Variants in FBXL7 observed in about 807,000 individuals in gnomAD.
The protein encoded by FBXL7 is F-box and leucine rich repeat protein 7, also known as F-box/LRR-repeat protein 7.
FBXL7 carries 12 observed loss-of-function variants against 38.3 expected under a neutral mutation model. The ratio of observed to expected loss-of-function variants is 0.31; its 90% confidence interval spans 0.20 to 0.51. FBXL7 has a LOEUF of 0.51. Among genes scored for constraint, FBXL7 ranks in the 20% least tolerant of loss-of-function variants. FBXL7 has a pLI of 0.98. For missense variants in FBXL7, 567 were observed against 676.4 expected, an observed-to-expected ratio of 0.84 and a Z score of 1.79; for synonymous variants, 297 against 300.9, an observed-to-expected ratio of 0.99 and a Z score of 0.13.
At chr5:15,867,366 A>G (rs1051110705) in intron 2 of FBXL7, among the ~76,000 whole-genome samples, 2 of 152,172 alleles carry the variant, frequency 1.3e-5, no homozygotes, top group Non-Finnish European at 2.9e-5. Context: ...CACACGTCCT[A>G]CAGAAAGCCT....
At chr5:15,934,447 A>G (rs1742124153) in intron 3 of FBXL7, among the ~76,000 whole-genome samples, 1 of 151,996 alleles carries the variant, frequency 6.6e-6, no homozygotes, top group Non-Finnish European at 1.5e-5. Flanking sequence ...ACTTAAATAT[A>G]CCATGAAATA....
chr5:15,655,773 A>T, intron 2 of FBXL7, among the ~76,000 whole-genome samples: 1 of 152,206 alleles, frequency 6.6e-6, no homozygotes, highest in East Asian at 1.9e-4. Flanking sequence ...CGTGTCCATT[A>T]GACTAACACA....
intron 2 of FBXL7, among the ~76,000 whole-genome samples, chr5:15,732,156 C>A (rs1308504510): frequency 6.6e-6 from 1 of 152,200 alleles, no homozygotes; most frequent in Non-Finnish European, 1.5e-5. Flanking sequence ...GCAAAGTTAA[C>A]CAAATAGCTC....
intron 2 of FBXL7, among the ~76,000 whole-genome samples, chr5:15,683,657 C>T (rs1158113989): frequency 6.6e-6 from 1 of 152,152 alleles, no homozygotes; most frequent in Non-Finnish European, 1.5e-5. Flanking sequence ...ACACGTAATG[C>T]TCCCCACCCC....
chr5:15,819,524 G>C (rs2126762538), intron 2 of FBXL7, among the ~76,000 whole-genome samples: 1 of 152,206 alleles, frequency 6.6e-6, no homozygotes. Context: ...TAAAAAACTG[G>C]AGACAAAATG....
chr5:15,652,040 C>G lies in FBXL7; in HGVS notation c.127+35968C>G, dbSNP rs140613095. ...TTCCTTAAACTTTATGATCCAACCT[C>G]CCTTAGCTTCCAACTTTTCTTCTGC... On this transcript the variant is annotated intron_variant, in intron 2 of 3. Transcript: ENST00000504595. Among the ~76,000 whole-genome samples, 445 of 152,316 alleles carry G rather than the reference C, an allele frequency of 2.9e-3. 2 individuals are homozygous for G. Among genetic ancestry groups the G allele is most frequent in the African/African-American group, 0.01 (421 of 41,568 alleles).
chr5:15,502,360 G>A (rs1001865052), intron 1 of FBXL7, among the ~76,000 whole-genome samples: 3 of 150,820 alleles, frequency 2.0e-5, no homozygotes, highest in African/African-American at 7.3e-5. Flanking sequence ...CTTCCTGTCT[G>A]AACAGCAGAA....
At chr5:15,686,958 A>G (rs1486859578) in intron 2 of FBXL7, among the ~76,000 whole-genome samples, 4 of 152,214 alleles carry the variant, frequency 2.6e-5, no homozygotes, top group African/African-American at 9.6e-5. Context: ...GGCCAGAGAA[A>G]TTCTAGAACC....
chr5:15,920,818 G>A (rs1281566953), intron 2 of FBXL7, among the ~76,000 whole-genome samples: 2 of 152,138 alleles, frequency 1.3e-5, no homozygotes, highest in African/African-American at 4.8e-5. Flanking sequence ...ACCACGCTCA[G>A]CCTCTTTGGT....
intron 2 of FBXL7, among the ~76,000 whole-genome samples, chr5:15,788,582 A>C (rs1415241916): frequency 6.6e-6 from 1 of 152,040 alleles, no homozygotes; most frequent in African/African-American, 2.4e-5. Context: ...CTTGAACCTT[A>C]ACCTTCTTCC....
chr5:15,519,300 G>A (rs1159667166), intron 1 of FBXL7, among the ~76,000 whole-genome samples: 3 of 152,070 alleles, frequency 2.0e-5, no homozygotes, highest in Non-Finnish European at 2.9e-5. Flanking sequence ...CCGAGATCGT[G>A]CCACTGCACT....
At chr5:15,789,541 G>C (rs1402322980) in intron 2 of FBXL7, among the ~76,000 whole-genome samples, 5 of 152,148 alleles carry the variant, frequency 3.3e-5, no homozygotes, top group Non-Finnish European at 7.3e-5. Context: ...GACCACACAG[G>C]CTGGTGTTCA....
intron 2 of FBXL7, among the ~76,000 whole-genome samples, chr5:15,784,886 A>G (rs1175531917): frequency 2.0e-5 from 3 of 152,222 alleles, no homozygotes; most frequent in African/African-American, 7.2e-5. Context: ...ACACACACGC[A>G]CAAACACAAA....
chr5:15,518,490 C>T (rs1737008241), intron 1 of FBXL7, among the ~76,000 whole-genome samples: 1 of 152,114 alleles, frequency 6.6e-6, no homozygotes, highest in Non-Finnish European at 1.5e-5. Context: ...TCATGGAGAG[C>T]AGGAGAACGT....
At chr5:15,811,815 A>G (rs1168853862) in intron 2 of FBXL7, among the ~76,000 whole-genome samples, 4 of 152,296 alleles carry the variant, frequency 2.6e-5, no homozygotes, top group Non-Finnish European at 2.9e-5. Context: ...CAGAATGGCA[A>G]TTATTAAAAA....
At chr5:15,680,338 A>T (rs1742802176) in intron 2 of FBXL7, among the ~76,000 whole-genome samples, 1 of 152,238 alleles carries the variant, frequency 6.6e-6, no homozygotes, top group South Asian at 2.1e-4. Flanking sequence ...CAGATGTCTT[A>T]CATGTGAGTT....
At chr5:15,568,674 T>TAA (rs1315106930) in intron 1 of FBXL7, among the ~76,000 whole-genome samples, 4 of 152,082 alleles carry the variant, frequency 2.6e-5, no homozygotes, top group African/African-American at 9.7e-5. Context: ...CATGCCTATG[T>TAA]CCTGAATGGT....
intron 2 of FBXL7, among the ~76,000 whole-genome samples, chr5:15,918,090 T>C (rs1475116526): frequency 6.6e-6 from 1 of 151,830 alleles, no homozygotes; most frequent in Admixed American, 6.6e-5. Context: ...AATACAAAAA[T>C]TAGCTGGGCA....
At chr5:15,586,531 C>A (rs2126474657) in intron 1 of FBXL7, among the ~76,000 whole-genome samples, 1 of 152,080 alleles carries the variant, frequency 6.6e-6, no homozygotes, top group East Asian at 1.9e-4. Context: ...GGACACTTTA[C>A]CAAGAAGCTA....
Sources: allele counts gnomAD v4.1 joint callset (sites outside exome capture counted in the v4.1 genomes callset), GRCh38; gene constraint gnomAD v4.1.1; transcripts MANE v1.5; gene names NCBI Gene and HGNC (gene_info 2026-07-23, HGNC 2026-07-21).